NIPA1: variants seen among roughly 807,000 people sequenced by gnomAD.
NIPA1 encodes the protein magnesium transporter NIPA1.
In NIPA1, 13 loss-of-function variants were observed where a neutral mutation model predicts 23.9. That is an observed-to-expected ratio of 0.54 (90% confidence interval 0.35 to 0.87). NIPA1 has a LOEUF of 0.87. NIPA1 is among the 40% of genes least tolerant of loss of function. NIPA1 has a pLI of 0.01. For missense variants in NIPA1, 362 were observed against 429.7 expected (o/e 0.84, Z 1.39); for synonymous variants, 234 against 202.9 (o/e 1.15, Z -1.30).
At chr15:22,814,263 TG>T (rs1195142700) in intron 3 of NIPA1, 4 of 333,204 alleles carry the variant, frequency 1.2e-5, no homozygotes, top group Non-Finnish European at 2.1e-5. Flanking sequence ...GTTTTTTTTT[TG>T]TTTTTTTTTT....
intron 4 of NIPA1, among the ~76,000 whole-genome samples, chr15:22,820,915 C>T (rs566465025): frequency 6.6e-6 from 1 of 152,204 alleles, no homozygotes; most frequent in Admixed American, 6.5e-5. Context: ...GACCTGGCAT[C>T]TCTTAAGTTT....
intron 1 of NIPA1, among the ~76,000 whole-genome samples, chr15:22,789,488 G>T (rs1315537733): frequency 6.6e-6 from 1 of 152,170 alleles, no homozygotes; most frequent in African/African-American, 2.4e-5. Flanking sequence ...AAGGTGAGCT[G>T]AGAGACCAGC....
At position 22,829,711 on chromosome 15, in the gene NIPA1, TAAAA is replaced by T. The variant is rs747886565; in HGVS notation, c.*5474_*5477del. On this transcript the variant is annotated 3_prime_UTR_variant, in exon 5 of 5. Coordinates refer to ENST00000337435, the MANE Select transcript of NIPA1 (RefSeq NM_144599.5). Reference sequence around the variant, plus strand: ...GCATGTTGTTATTGCCTCATGTAAATAAAAAGGCTATTAAGTTTTCCAGTAATAT... The same window carrying T: ...GCATGTTGTTATTGCCTCATGTAAATAGGCTATTAAGTTTTCCAGTAATAT... 1.6e-4 allele frequency: 24 copies of T among 152,314 alleles called. No individual in the cohort carries two copies. The highest frequency in any genetic ancestry group is 2.9e-4 in the Non-Finnish European group (20 of 68,016). The allele number at this position is 152,314 out of a possible 1,614,324, so 9.4% of individuals were successfully genotyped here.
At chr15:22,814,807 T>C (rs1432511233) in intron 3 of NIPA1, among the ~76,000 whole-genome samples, 3 of 152,210 alleles carry the variant, frequency 2.0e-5, no homozygotes, top group Non-Finnish European at 4.4e-5. Context: ...CATCTCCCCT[T>C]ACCCAGACAC....
intron 4 of NIPA1, among the ~76,000 whole-genome samples, chr15:22,822,973 C>T (rs1380804843): frequency 8.6e-6 from 1 of 116,400 alleles, no homozygotes; most frequent in East Asian, 2.8e-4. Context: ...GGCTGGAGTG[C>T]AGTGGTGTGA....
intron 3 of NIPA1, among the ~76,000 whole-genome samples, chr15:22,815,533 T>C (rs1895398448): frequency 6.6e-6 from 1 of 152,040 alleles, no homozygotes; most frequent in Non-Finnish European, 1.5e-5. Context: ...TCCCAGCTAC[T>C]TGGGTGGCTG....
chr15:22,787,029 G>A (rs546833378), intron 1 of NIPA1, among the ~76,000 whole-genome samples, 195 bp downstream of exon 1: 31 of 151,954 alleles, frequency 2.0e-4, no homozygotes, highest in Non-Finnish European at 4.1e-4. Flanking sequence ...GCTCGGGCCC[G>A]GGAGCGGCCC....
At chr15:22,788,425 C>G (rs1294197994) in intron 1 of NIPA1, among the ~76,000 whole-genome samples, 1 of 148,962 alleles carries the variant, frequency 6.7e-6, no homozygotes, top group Non-Finnish European at 1.5e-5. Flanking sequence ...CTCTTGAACC[C>G]GGGAGACAGA....
chr15:22,808,201 A>G lies in NIPA1; in HGVS notation c.179-2548A>G, dbSNP rs369488124. On this transcript the variant is annotated intron_variant, in intron 1 of 4. Coordinates refer to ENST00000337435, the MANE Select transcript of NIPA1 (RefSeq NM_144599.5). ...ATGACCTTTCACTCAAGTATTCGGC[A>G]TGCATTTTGGGATAGCCACTTTGAT... is the stretch of plus-strand genomic sequence containing the variant. Among the ~76,000 whole-genome samples, 266 of 152,326 alleles carry G rather than the reference A, an allele frequency of 1.7e-3. 1 individual carries two copies. Among genetic ancestry groups the G allele is most frequent in the African/African-American group, 6.1e-3 (255 of 41,566 alleles).
At position 22,828,674 on chromosome 15, in the gene NIPA1, T is replaced by C. The variant is rs916084674; in HGVS notation, c.*4435T>C. 3.3e-5 allele frequency: 5 copies of C among 152,618 alleles called. No homozygotes were observed. Among genetic ancestry groups the C allele is most frequent in the African/African-American group, 1.2e-4 (5 of 41,428 alleles). The allele number at this position is 152,618 out of a possible 1,614,324, so 9.5% of individuals were successfully genotyped here. On this transcript the variant is annotated 3_prime_UTR_variant, in exon 5 of 5. Coordinates refer to ENST00000337435, the MANE Select transcript of NIPA1 (RefSeq NM_144599.5). ...AGAACAAGGATCATGTAAATAAACA[T>C]CTATTTCACATGTACCCAAAAGCAT...
At chr15:22,791,628 C>T (rs533534196) in intron 1 of NIPA1, among the ~76,000 whole-genome samples, 14 of 151,942 alleles carry the variant, frequency 9.2e-5, no homozygotes, top group Admixed American at 9.2e-4. Flanking sequence ...GCATTACAGG[C>T]GTCCGCCACC....
intron 1 of NIPA1, among the ~76,000 whole-genome samples, chr15:22,789,164 C>T (rs11638584): frequency 0.29 from 43,562 of 151,218 alleles, 6,831 homozygotes; most frequent in Non-Finnish European, 0.36. Context: ...TAATTTTGTG[C>T]TTTTACTGGA....
In NIPA1 at chr15:22,825,049, TTAA is replaced by T. The variant is rs1895621750; in HGVS notation, c.*812_*814del. The T allele has an allele frequency of 6.6e-6, 1 of 152,520 alleles. No homozygotes were observed. Among genetic ancestry groups the T allele is most frequent in the African/African-American group, 2.4e-5 (1 of 41,452 alleles). The allele number at this position is 152,520 out of a possible 1,614,324, so 9.4% of individuals were successfully genotyped here. On this transcript the variant is annotated 3_prime_UTR_variant, in exon 5 of 5. Coordinates refer to ENST00000337435, the MANE Select transcript of NIPA1 (RefSeq NM_144599.5). ...TAGAAATAATACAGTCACATGTCAC[TTAA>T]TGATAGGGAAACATTCTGAGAAATG...
chr15:22,821,609 G>GCTGGTTTGCATGTCCACACC (rs1442203180), intron 4 of NIPA1, among the ~76,000 whole-genome samples: 2 of 145,906 alleles, frequency 1.4e-5, no homozygotes, highest in African/African-American at 5.2e-5. Flanking sequence ...GTCCACACTG[G>GCTGGTTTGCATGTCCACACC]CTGGTTTGCA....
At chr15:22,822,642 A>G (rs1422430890) in intron 4 of NIPA1, among the ~76,000 whole-genome samples, 1 of 152,142 alleles carries the variant, frequency 6.6e-6, no homozygotes, top group South Asian at 2.1e-4. Context: ...CAGCCTGGCC[A>G]ACATGGCGAA....
Position 22,826,278 on chromosome 15 carries a change from T to A in NIPA1, c.*2039T>A, listed in dbSNP as rs533536822. On this transcript the variant is annotated 3_prime_UTR_variant, in exon 5 of 5. Transcript: ENST00000337435. ...TGAGAGCAGCAACAACATTATTTTT[T>A]AAAAATCTTAAATCCTCTCAATGGA... is the stretch of plus-strand genomic sequence containing the variant. The A allele has an allele frequency of 2.2e-5, 2 of 89,412 alleles. No individual in the cohort carries two copies. The highest frequency in any genetic ancestry group is 5.1e-5 in the Non-Finnish European group (2 of 39,150). The allele number at this position is 89,412 out of a possible 1,614,324, so 5.5% of individuals were successfully genotyped here. A position where few individuals can be genotyped will look rare whatever the true frequency, so the allele number is the denominator to read the frequency against.
At chr15:22,801,666 G>A (rs923588556) in intron 1 of NIPA1, among the ~76,000 whole-genome samples, 5 of 151,804 alleles carry the variant, frequency 3.3e-5, no homozygotes, top group South Asian at 2.1e-4. Context: ...ACAGGCACCC[G>A]CCACCGCGCC....
intron 1 of NIPA1, among the ~76,000 whole-genome samples, chr15:22,797,876 G>T (rs1475084313): frequency 1.4e-5 from 2 of 138,334 alleles, no homozygotes; most frequent in East Asian, 4.2e-4. Context: ...ACGGAGTCTT[G>T]CTCTGTCACC....
At chr15:22,802,960 T>C (rs575802598) in intron 1 of NIPA1, among the ~76,000 whole-genome samples, 1 of 152,204 alleles carries the variant, frequency 6.6e-6, no homozygotes, top group Admixed American at 6.5e-5. Context: ...ACTTTTTTTT[T>C]TTTGGGTGGG....
Sources: gnomAD v4.1 joint callset for allele counts (sites outside exome capture counted in the v4.1 genomes callset) on GRCh38, gnomAD v4.1.1 for gene constraint, MANE v1.5 for transcripts, NCBI Gene and HGNC (gene_info 2026-07-23, HGNC 2026-07-21) for gene names.